The following CCDC91 variants were observed in gnomAD, a reference collection of about 807,000 sequenced individuals.
The protein encoded by CCDC91 is coiled-coil domain-containing protein 91.
A neutral mutation model predicts 63.2 loss-of-function variants in CCDC91; 48 were observed. The ratio of observed to expected loss-of-function variants is 0.76; its 90% CI spans 0.60 to 0.97. The LOEUF is 0.97. Among genes scored for constraint, CCDC91 ranks in the 50% least tolerant of loss-of-function variants. The pLI, the probability that CCDC91 is intolerant of heterozygous loss-of-function variation, is 0.00. For missense variants in CCDC91, 500 were observed against 494.6 expected (o/e 1.01, Z -0.10); for synonymous variants, 167 against 165.8 (o/e 1.01, Z -0.06).
intron 6 of CCDC91, among the ~76,000 whole-genome samples, chr12:28,314,186 A>T (rs1939612262): frequency 7.6e-3 from 1 of 132 alleles, no homozygotes; most frequent in Non-Finnish European, 0.016. Flanking sequence ...AATTTAATTA[A>T]AAAAAAAACA....
rs143507777 is a variant in CCDC91, at chr12:28,253,828, C to T, written c.-14-3374C>T. ...TGAAATCTTTCTCAAATGTCTCCTT[C>T]TACCTTAGGCATTTAATGATGCTTC... On this transcript the variant is annotated intron_variant, in intron 1 of 12. Coordinates refer to ENST00000536442, the MANE Select transcript of CCDC91 (RefSeq NM_018318.5). Among the ~76,000 whole-genome samples, 122 of 152,310 alleles carry T rather than the reference C, an allele frequency of 8.0e-4. 1 individual carries two copies. The highest frequency in any genetic ancestry group is 2.8e-3 in the African/African-American group (117 of 41,572).
intron 3 of CCDC91, among the ~76,000 whole-genome samples, chr12:28,303,954 G>T (rs1173656059): frequency 1.3e-5 from 2 of 151,902 alleles, no homozygotes; most frequent in Non-Finnish European, 1.5e-5. Context: ...GGAATATTTT[G>T]ACATTTTGAA....
intron 8 of CCDC91, among the ~76,000 whole-genome samples, chr12:28,449,588 A>G (rs948417108): frequency 3.9e-5 from 6 of 152,030 alleles, no homozygotes; most frequent in African/African-American, 1.2e-4. Flanking sequence ...AAATAGATAC[A>G]TTAACTTTAT....
chr12:28,369,609 ACT>A (rs1338081692), intron 7 of CCDC91, among the ~76,000 whole-genome samples: 4 of 151,818 alleles, frequency 2.6e-5, no homozygotes, highest in Non-Finnish European at 5.9e-5. Flanking sequence ...CCCAGTGGAG[ACT>A]CTGTGTAGGG....
intron 6 of CCDC91, among the ~76,000 whole-genome samples, chr12:28,331,566 C>T (rs1326522042): frequency 6.6e-6 from 1 of 152,120 alleles, no homozygotes; most frequent in Non-Finnish European, 1.5e-5. Flanking sequence ...GGACAATAGT[C>T]ATAACAAATT....
In CCDC91 at chr12:28,317,882, T is replaced by C. The variant is rs529166015; in HGVS notation, c.576+10133T>C. Among the ~76,000 whole-genome samples, 44 of 152,024 alleles carry C rather than the reference T, an allele frequency of 2.9e-4. No homozygotes were observed. The Middle Eastern group carries it at 0.017, about 59-fold the overall frequency. ...CTGATTACCAACACCATGATTGATG[T>C]TCCTAATAAGCACCTTAAGTCATTT... On this transcript the variant is annotated intron_variant, in intron 6 of 12. Coordinates refer to ENST00000536442, the MANE Select transcript of CCDC91 (RefSeq NM_018318.5).
At chr12:28,426,131 CT>C (rs1316090462) in intron 8 of CCDC91, among the ~76,000 whole-genome samples, 2 of 152,136 alleles carry the variant, frequency 1.3e-5, no homozygotes, top group African/African-American at 2.4e-5. Flanking sequence ...AAATATGTCA[CT>C]TCACACTTTT....
In CCDC91 at chr12:28,239,134, A is replaced by T. The variant is rs565191043; in HGVS notation, c.-14-18068A>T. On this transcript the variant is annotated intron_variant, in intron 1 of 12. Transcript: ENST00000536442. ...GACTCTGTCTCGGAAAAAAAAAAAA[A>T]ATATATGTGGCATCTTAAATTAAAA... Among the ~76,000 whole-genome samples the T allele has an allele frequency of 1.4e-3, 217 of 151,970 alleles. 1 individual carries two copies. The highest frequency in any genetic ancestry group is 7.5e-3 in the South Asian group (36 of 4,808).
At chr12:28,462,730 A>C (rs1435715417) in intron 11 of CCDC91, among the ~76,000 whole-genome samples, 1 of 152,156 alleles carries the variant, frequency 6.6e-6, no homozygotes, top group African/African-American at 2.4e-5. Flanking sequence ...TTTCAAAGGG[A>C]TATCCAGTTG....
In CCDC91 at chr12:28,471,547, T is replaced by C. The variant is rs375585603; in HGVS notation, c.1102-12505T>C. Among the ~76,000 whole-genome samples the C allele has an allele frequency of 1.4e-4, 22 of 152,220 alleles. 1 individual carries two copies. Among genetic ancestry groups the C allele is most frequent in the African/African-American group, 5.3e-4 (22 of 41,556 alleles). On this transcript the variant is annotated intron_variant, in intron 11 of 12. Transcript: ENST00000536442. Reference sequence around the variant, plus strand: ...TGAGGGAGATCTCAGAATGGACATTTATTTAACAGACCCAGAGAACAACCA... The same window carrying C: ...TGAGGGAGATCTCAGAATGGACATTCATTTAACAGACCCAGAGAACAACCA...
rs142100687 is a variant in CCDC91 at position 28,441,396 on chromosome 12, G to C, written c.763-8765G>C. 5.8e-3 allele frequency among the ~76,000 whole-genome samples: 880 copies of C among 152,062 alleles called. 8 individuals carry two copies. The highest frequency in any genetic ancestry group is 0.02 in the African/African-American group (832 of 41,522). Reference sequence around the variant, plus strand: ...GAAATAAAAATGTATATCAAAGAATGTCTGTGATTCCTTTATTCACAGTAG... The same window carrying C: ...GAAATAAAAATGTATATCAAAGAATCTCTGTGATTCCTTTATTCACAGTAG... On this transcript the variant is annotated intron_variant, in intron 8 of 12. Coordinates refer to ENST00000536442, the MANE Select transcript of CCDC91 (RefSeq NM_018318.5).
chr12:28,515,253 A>G (rs1939820223), intron 12 of CCDC91, among the ~76,000 whole-genome samples: 2 of 151,908 alleles, frequency 1.3e-5, no homozygotes, highest in South Asian at 4.1e-4. Context: ...AAGGCTAAAA[A>G]TGACTGGAGA....
intron 3 of CCDC91, among the ~76,000 whole-genome samples, chr12:28,269,478 CCAT>C (rs1947592735): frequency 6.6e-6 from 1 of 152,046 alleles, no homozygotes; most frequent in African/African-American, 2.4e-5. Context: ...TCAAAAGCCA[CCAT>C]CATATCTTTC....
At chr12:28,251,292 A>G (rs1946102835) in intron 1 of CCDC91, among the ~76,000 whole-genome samples, 1 of 152,012 alleles carries the variant, frequency 6.6e-6, no homozygotes, top group South Asian at 2.1e-4. Flanking sequence ...TTAGAAGGGG[A>G]GGGGTGCAGG....
At chr12:28,524,141 T>C (rs1194078302) in intron 12 of CCDC91, among the ~76,000 whole-genome samples, 2 of 152,134 alleles carry the variant, frequency 1.3e-5, no homozygotes, top group Non-Finnish European at 2.9e-5. Context: ...TTGCTCTGAC[T>C]AGGACTTCCA....
chr12:28,245,064 T>G (rs775143100), intron 1 of CCDC91, among the ~76,000 whole-genome samples: 4 of 152,092 alleles, frequency 2.6e-5, no homozygotes, highest in Non-Finnish European at 4.4e-5. Context: ...GAGACATCTT[T>G]AGGGGTATTT....
chr12:28,230,700 C>A (rs1330676217), intron 1 of CCDC91, among the ~76,000 whole-genome samples: 1 of 152,140 alleles, frequency 6.6e-6, no homozygotes, highest in African/African-American at 2.4e-5. Context: ...TCATGGCTCA[C>A]TGCAGCCTCC....
chr12:28,436,300 T>C (rs1390170733), intron 8 of CCDC91, among the ~76,000 whole-genome samples: 1 of 151,820 alleles, frequency 6.6e-6, no homozygotes, highest in Admixed American at 6.6e-5. Flanking sequence ...TTAAAGTTTG[T>C]ACTGTACATT....
At chr12:28,359,006 C>T (rs1592416876) in intron 6 of CCDC91, among the ~76,000 whole-genome samples, 1 of 152,176 alleles carries the variant, frequency 6.6e-6, no homozygotes, top group East Asian at 1.9e-4. Flanking sequence ...AGTGATTCTC[C>T]TTCCTCAGCC....
Sources: allele counts gnomAD v4.1 joint callset (sites outside exome capture counted in the v4.1 genomes callset), GRCh38; gene constraint gnomAD v4.1.1; transcripts MANE v1.5; gene names NCBI Gene and HGNC (gene_info 2026-07-23, HGNC 2026-07-21).